ACTR6: variants seen among roughly 807,000 people sequenced by gnomAD.
ACTR6 encodes the protein actin-related protein 6.
In ACTR6, 50 loss-of-function variants were observed where a neutral mutation model predicts 52.5. The ratio of observed to expected loss-of-function variants is 0.95; its 90% confidence interval spans 0.76 to 1.20. The LOEUF (loss-of-function observed/expected upper bound fraction) is 1.20. ACTR6 is among the 50% of genes most tolerant of loss of function. The pLI is 0.00. For synonymous variants in ACTR6, 135 were observed against 147.2 expected (o/e 0.92, Z 0.60); for missense variants, 344 against 472.4 (o/e 0.73, Z 2.52).
intron 1 of ACTR6, among the ~76,000 whole-genome samples, 153 bp from the exon 2 acceptor site, chr12:100,204,787 C>CA (rs1209259530): frequency 1.3e-5 from 2 of 152,258 alleles, no homozygotes; most frequent in East Asian, 3.8e-4. Flanking sequence ...CCCCCACTCC[C>CA]AGCCTTTGGT....
At chr12:100,211,487 G>A (rs967972290) in intron 6 of ACTR6, among the ~76,000 whole-genome samples, 14 of 152,064 alleles carry the variant, frequency 9.2e-5, no homozygotes, top group African/African-American at 3.4e-4. Context: ...TGCCCAAGCT[G>A]GCCTTAAACT....
intron 4 of ACTR6, among the ~76,000 whole-genome samples, chr12:100,209,260 T>TA (rs199686356): frequency 0.016 from 2,453 of 152,286 alleles, 64 homozygotes; most frequent in African/African-American, 0.056. Context: ...CAACCAGGTG[T>TA]AGTGGCTCAT....
chr12:100,213,135 G>A (rs2096121310), intron 8 of ACTR6, among the ~76,000 whole-genome samples: 1 of 151,782 alleles, frequency 6.6e-6, no homozygotes, highest in East Asian at 1.9e-4. Context: ...CTGTCATCCA[G>A]GCTAGAGTGC....
chr12:100,210,418 G>C, intron 6 of ACTR6, 67 bp downstream of exon 6: 1 of 1,503,776 alleles, frequency 6.6e-7, no homozygotes, highest in African/African-American at 1.4e-5. Flanking sequence ...AGTAATTTAA[G>C]ATTATTCCTT....
intron 6 of ACTR6, among the ~76,000 whole-genome samples, chr12:100,210,919 G>A (rs766777162): frequency 6.6e-6 from 1 of 151,986 alleles, no homozygotes; most frequent in East Asian, 1.9e-4. Flanking sequence ...TGACTGTGTC[G>A]CTGACCCCTG....
At chr12:100,203,000 A>C (rs1363394572) in intron 1 of ACTR6, among the ~76,000 whole-genome samples, 1 of 152,172 alleles carries the variant, frequency 6.6e-6, no homozygotes, top group African/African-American at 2.4e-5. Flanking sequence ...TTTGAAATGA[A>C]ACTATTCTCA....
intron 1 of ACTR6, chr12:100,203,843 G>A (rs2096112055): frequency 6.6e-6 from 1 of 151,882 alleles, no homozygotes; most frequent in Non-Finnish European, 1.5e-5. Flanking sequence ...TAGAGACAGG[G>A]TTTCACCGTG....
At chr12:100,205,523 A>G (rs2096113763) in intron 2 of ACTR6, 153 bp from the exon 3 acceptor site, 1 of 443,368 alleles carries the variant, frequency 2.3e-6, no homozygotes, top group Non-Finnish European at 3.8e-6. Flanking sequence ...TAAAAAAAAG[A>G]AATTCATACA....
rs1285933474 is a variant in ACTR6, at chr12:100,207,689, T to C, written c.282T>C (p.Ile94=). 3.2e-6 allele frequency: 5 copies of C among 1,553,474 alleles called. No individual in the cohort carries two copies. The highest frequency in any genetic ancestry group is 4.4e-6 in the Non-Finnish European group (5 of 1,137,598). The change falls in exon 4 of 11, where the codon ATT becomes ATC. Residue 94 remains isoleucine (I), a synonymous_variant. Coordinates refer to ENST00000188312, the MANE Select transcript of ACTR6 (RefSeq NM_022496.5). The part of the protein sequence containing the change: ...YQVDFLDTNI[I]ITEPYFNFTS... ...TTGATTTTTTAGATACTAATATTATTATCACTGAACCATACTTTAACTTCA... is the reference window on the plus strand; with the variant it reads ...TTGATTTTTTAGATACTAATATTATCATCACTGAACCATACTTTAACTTCA...
chr12:100,200,979 G>T (rs928535228), intron 1 of ACTR6, 60 bp downstream of exon 1: 127 of 1,612,056 alleles, frequency 7.9e-5, no homozygotes, highest in Non-Finnish European at 1.0e-4. Flanking sequence ...CATGTGCTAC[G>T]TTTCATCTCC....
chr12:100,220,056 C>A lies in ACTR6; in HGVS notation c.971C>A (p.Ser324Tyr), dbSNP rs1470555661. The A allele has an allele frequency of 1.2e-6, 2 of 1,613,750 alleles. No individual in the cohort carries two copies. Among genetic ancestry groups the A allele is most frequent in the African/African-American group, 1.3e-5 (1 of 74,862 alleles). Residue 324 changes from serine to tyrosine, a missense_variant, in exon 10 of 11, where the codon TCC becomes TAC. Transcript: ENST00000188312. The part of the protein sequence containing the change: ...FKNIVLTGGN[S>Y]LFPGFRDRVY... ...AACATTGTCTTGACAGGAGGAAATTCCCTTTTCCCAGGATTTAGGGATCGG... is the reference window on the plus strand; with the variant it reads ...AACATTGTCTTGACAGGAGGAAATTACCTTTTCCCAGGATTTAGGGATCGG...
chr12:100,221,826 A>G (rs1326875302), intron 10 of ACTR6: 1 of 151,986 alleles, frequency 6.6e-6, no homozygotes, highest in African/African-American at 2.4e-5. Flanking sequence ...GAAAGAAAAG[A>G]AAACCTTTTT....
intron 6 of ACTR6, 23 bp downstream of exon 6, chr12:100,210,374 T>C (rs2096118857): frequency 1.9e-6 from 3 of 1,607,860 alleles, no homozygotes; most frequent in Non-Finnish European, 2.6e-6. Context: ...TTTGATTCTT[T>C]GGGAGGATGG....
chr12:100,218,440 G>A lies in ACTR6; in HGVS notation c.776G>A (p.Gly259Glu). ...CKPREEMVLS[G>E]KYKSGEQILR... Reference sequence around the variant, plus strand: ...CCAAGGGAAGAGATGGTGTTGAGTGGAAAATACAAATCTGGGGAACAAATT... The same window carrying A: ...CCAAGGGAAGAGATGGTGTTGAGTGAAAAATACAAATCTGGGGAACAAATT... The change falls in exon 9 of 11, where the codon GGA (glycine) becomes GAA (glutamate). Residue 259 changes from glycine (G) to glutamate (E), a missense_variant. Coordinates refer to ENST00000188312, the MANE Select transcript of ACTR6 (RefSeq NM_022496.5). The surrounding 1 kb of genome is among the most constrained non-coding windows in gnomAD (Gnocchi z 4.2). 1 of 1,610,606 alleles carries A rather than the reference G, an allele frequency of 6.2e-7. No homozygotes were observed. The highest frequency in any genetic ancestry group is 8.5e-7 in the Non-Finnish European group (1 of 1,178,620).
Position 100,207,657 on chromosome 12 carries a change from C to T in ACTR6, c.256-6C>T, listed in dbSNP as rs1327184013. On this transcript the variant is annotated splice_region_variant and splice_polypyrimidine_tract_variant and intron_variant, in intron 3 of 10. Coordinates refer to ENST00000188312, the MANE Select transcript of ACTR6 (RefSeq NM_022496.5). ...ATGAAACATTTTGGAATGTTTTCTC[C>T]TATAGGTTGATTTTTTAGATACTAA... is the stretch of plus-strand genomic sequence containing the variant. The T allele has an allele frequency of 1.0e-5, 15 of 1,475,902 alleles. No homozygotes were observed. The East Asian group carries it at 2.6e-4, about 26-fold the overall frequency. 91.4% of individuals were successfully genotyped at this position (1,475,902 alleles called of 1,614,324 possible).
At chr12:100,201,836 C>T (rs552773290) in intron 1 of ACTR6, among the ~76,000 whole-genome samples, 5 of 152,034 alleles carry the variant, frequency 3.3e-5, no homozygotes, top group Admixed American at 6.6e-5. Flanking sequence ...TTGGCCAGGC[C>T]GGTCTCGAGC....
chr12:100,212,478 A>G lies in ACTR6; in HGVS notation c.700A>G (p.Ile234Val). 1 of 1,613,920 alleles carries G rather than the reference A, an allele frequency of 6.2e-7. No homozygotes were observed. Among genetic ancestry groups the G allele is most frequent in the South Asian group, 1.1e-5 (1 of 91,080 alleles). The change falls in exon 8 of 11, where the codon ATA (isoleucine) becomes GTA (valine). Residue 234 changes from isoleucine to valine, a missense_variant. By Grantham distance (29) the Ile-to-Val change is conservative. Transcript: ENST00000188312. The stretch of plus-strand genomic sequence containing the variant: ...GAAAGGAGAAGAAAATACAGTAATG[A>G]TAGACTATGTCTTGCCTGACTTCAG... ...KLKGEENTVM[I>V]DYVLPDFSTI...
At chr12:100,201,742 C>G (rs370229563) in intron 1 of ACTR6, among the ~76,000 whole-genome samples, 1 of 152,186 alleles carries the variant, frequency 6.6e-6, no homozygotes, top group Admixed American at 6.5e-5. Context: ...CCGCCTCAGC[C>G]TCCAGAGTAG....
At chr12:100,205,286 A>G in intron 2 of ACTR6, 1 of 347,712 alleles carries the variant, frequency 2.9e-6, no homozygotes, top group Non-Finnish European at 5.1e-6. Context: ...CATTAATTTA[A>G]GAAAATAAGT....
Sources: allele counts gnomAD v4.1 joint callset (sites outside exome capture counted in the v4.1 genomes callset), GRCh38; gene constraint gnomAD v4.1.1; non-coding constraint Gnocchi (gnomAD v3.1); transcripts MANE v1.5; gene names NCBI Gene and HGNC (gene_info 2026-07-23, HGNC 2026-07-21).